Variants in ABCA10 observed in about 807,000 individuals in gnomAD.
The protein encoded by ABCA10 is ATP-binding cassette sub-family A member 10.
Under a neutral mutation model 187.5 loss-of-function variants are expected in ABCA10, and 169 were observed. The observed-to-expected ratio is 0.90, with a 90% CI of 0.80 to 1.02. ABCA10 has a LOEUF of 1.02. ABCA10 is among the 50% of genes least tolerant of loss of function. The probability of loss-of-function intolerance (pLI) is 0.00; values close to 1 mark genes in which losing one functional copy is unlikely to be tolerated. For synonymous variants in ABCA10, 574 were observed against 601.8 expected (o/e 0.95, Z 0.68); for missense variants, 1,727 against 1,812.4 (o/e 0.95, Z 0.86).
rs771391379 is a variant in ABCA10, at chr17:69,187,863, T to C, written c.2148A>G (p.Lys716=). 1 of 1,613,610 alleles carries C rather than the reference T, an allele frequency of 6.2e-7. No individual in the cohort carries two copies. Among genetic ancestry groups the C allele is most frequent in the Non-Finnish European group, 8.5e-7 (1 of 1,179,616 alleles). ...AIDEPDFDIG[K]QEKIHVTRNT... is the part of the protein sequence containing the mutation. ...TTCTTGTCACATGTATTTTCTCTTGTTTCCCAATGTCAAAATCTACAATCA... is the reference window on the plus strand; with the variant it reads ...TTCTTGTCACATGTATTTTCTCTTGCTTCCCAATGTCAAAATCTACAATCA... The change falls in exon 19 of 39, where the codon AAA becomes AAG. Residue 716 remains lysine (K), a synonymous_variant. Coordinates refer to ENST00000690296, the MANE Select transcript of ABCA10 (RefSeq NM_001377321.1).
chr17:69,163,004 AT>A (rs2074229939), intron 27 of ABCA10, among the ~76,000 whole-genome samples: 1 of 151,730 alleles, frequency 6.6e-6, no homozygotes, highest in African/African-American at 2.4e-5. Flanking sequence ...CGCCCAGCTA[AT>A]TTTTGTATTT....
At chr17:69,151,156 C>T (rs1215754492) in intron 36 of ABCA10, among the ~76,000 whole-genome samples, 2 of 152,160 alleles carry the variant, frequency 1.3e-5, no homozygotes, top group African/African-American at 2.4e-5. Context: ...TATCTCTTTA[C>T]ACATCAACTA....
At chr17:69,209,841 T>C (rs2074624663) in intron 9 of ABCA10, among the ~76,000 whole-genome samples, 3 of 152,188 alleles carry the variant, frequency 2.0e-5, no homozygotes. Flanking sequence ...CTGTACTCTA[T>C]ACTGTAGGAA....
upstream of ABCA10, chr17:69,233,267 T>TA (rs2074843476): frequency 6.6e-6 from 1 of 152,170 alleles, no homozygotes; most frequent in Non-Finnish European, 1.5e-5. Context: ...TTCTTTTTTT[T>TA]ACCTCCTCTG....
chr17:69,187,950 G>T (rs2074434693), intron 18 of ABCA10, 71 bp from the exon 19 acceptor site: 8 of 1,395,384 alleles, frequency 5.7e-6, no homozygotes, highest in Non-Finnish European at 7.9e-6. Context: ...CTTTGAAAAT[G>T]ATGTTAGACT....
intron 9 of ABCA10, among the ~76,000 whole-genome samples, chr17:69,210,166 ATTTCTTTTTTTTTTTTTTTTTT>A (rs1420237124): frequency 1.4e-4 from 8 of 56,228 alleles, no homozygotes; most frequent in African/African-American, 5.6e-4. Flanking sequence ...TTTAGTGGTT[ATTTCTTTTTTTTTTTTTTTTTT>A]TTTTTTTTTT....
chr17:69,158,400 G>T (rs1014204621), intron 27 of ABCA10, among the ~76,000 whole-genome samples: 2 of 151,792 alleles, frequency 1.3e-5, no homozygotes, highest in Admixed American at 1.3e-4. Context: ...ACTGATATAA[G>T]ATAATTGTAC....
intron 4 of ABCA10, among the ~76,000 whole-genome samples, chr17:69,222,172 T>C (rs1449982705): frequency 6.6e-6 from 1 of 151,944 alleles, no homozygotes; most frequent in Non-Finnish European, 1.5e-5. Context: ...CTGACCAACA[T>C]GGTGAAACCC....
rs1159610408 is a variant in ABCA10 at position 69,185,474 on chromosome 17, C to A, written c.2497+3G>T. On this transcript the variant is annotated splice_donor_region_variant and intron_variant, in intron 20 of 38. Coordinates refer to ENST00000690296, the MANE Select transcript of ABCA10 (RefSeq NM_001377321.1). ...CACACTAAATTTCAGCCCCATTTCT[C>A]ACCTGTATTATTAACGATTAACAGG... 6.2e-7 allele frequency: 1 copy of A among 1,608,006 alleles called. No homozygotes were observed. Among genetic ancestry groups the A allele is most frequent in the Non-Finnish European group, 8.5e-7 (1 of 1,176,776 alleles).
At position 69,171,833 on chromosome 17, in the gene ABCA10, T is replaced by A. The variant is rs185225681; in HGVS notation, c.3162+2448A>T. ...TAGAAATGCATAAGCAGCTAAATTATGTTTTAAGAATGAGGGTGAAAAAAG... is the reference window on the plus strand; with the variant it reads ...TAGAAATGCATAAGCAGCTAAATTAAGTTTTAAGAATGAGGGTGAAAAAAG... On this transcript the variant is annotated intron_variant, in intron 25 of 38. Transcript: ENST00000690296. Among the ~76,000 whole-genome samples the A allele has an allele frequency of 4.3e-3, 656 of 151,670 alleles. 5 individuals are homozygous for A. The highest frequency in any genetic ancestry group is 0.015 in the African/African-American group (629 of 41,336).
In ABCA10 at chr17:69,148,454, A is replaced by T. The variant is rs981951188; in HGVS notation, c.*373T>A. ...AGAATCCGAGTAAATAATGTTTAAA[A>T]ATAGCTGATACATTTGAAGTTCAGG... On this transcript the variant is annotated 3_prime_UTR_variant, in exon 39 of 39. Coordinates refer to ENST00000690296, the MANE Select transcript of ABCA10 (RefSeq NM_001377321.1). 2 of 165,874 alleles carry T rather than the reference A, an allele frequency of 1.2e-5. No individual in the cohort carries two copies. The highest frequency in any genetic ancestry group is 4.8e-5 in the African/African-American group (2 of 41,638). The allele number at this position is 165,874 out of a possible 1,614,324, so 10.3% of individuals were successfully genotyped here. A position where few individuals can be genotyped will look rare whatever the true frequency, so the allele number is the denominator to read the frequency against.
Position 69,182,146 on chromosome 17 carries a change from T to C in ABCA10, c.2769+7A>G. 6.4e-7 allele frequency: 1 copy of C among 1,571,810 alleles called. No individual in the cohort carries two copies. ...TGCCTCTTATATAAGTCGAATACTC[T>C]ACTTACACGAGAAAATGAAGTGCTC... On this transcript the variant is annotated splice_region_variant and intron_variant, in intron 22 of 38. Coordinates refer to ENST00000690296, the MANE Select transcript of ABCA10 (RefSeq NM_001377321.1).
At position 69,193,550 on chromosome 17, in the gene ABCA10, T is replaced by C. The variant is rs759612027; in HGVS notation, c.1584A>G (p.Leu528=). 1.2e-6 allele frequency: 2 copies of C among 1,613,488 alleles called. No individual in the cohort carries two copies. Among genetic ancestry groups the C allele is most frequent in the Non-Finnish European group, 1.7e-6 (2 of 1,179,594 alleles). Residue 528 remains leucine (L), a synonymous_variant, in exon 14 of 39, where the codon TTA becomes TTG. Coordinates refer to ENST00000690296, the MANE Select transcript of ABCA10 (RefSeq NM_001377321.1). ...TTAGTTTTCTCTTCTGCCCACCACT[T>C]AATTTTTTAGCAATAATGTCTTGAA... ...QSIQDIIAKK[L]SGGQKRKLTL...
chr17:69,153,990 C>G lies in ABCA10; in HGVS notation c.3806G>C (p.Arg1269Thr). Residue 1269 changes from arginine to threonine, a missense_variant, in exon 32 of 39, where the codon AGA becomes ACA. Physicochemically the swap from Arg to Thr is moderately conservative, Grantham distance 71. Transcript: ENST00000690296. ...TAGVVVLQGS[R>T]ASVRQQHDNS... ...GTCATGCTGTTGCCTTACTGATGCTCTGCTGCCTTGTAACACCACCTGCAC... is the reference window on the plus strand; with the variant it reads ...GTCATGCTGTTGCCTTACTGATGCTGTGCTGCCTTGTAACACCACCTGCAC... 7 of 1,613,784 alleles carry G rather than the reference C, an allele frequency of 4.3e-6. No individual in the cohort carries two copies. The highest frequency in any genetic ancestry group is 5.9e-6 in the Non-Finnish European group (7 of 1,179,832).
At position 69,178,467 on chromosome 17, in the gene ABCA10, C is replaced by T. The variant is rs145566844; in HGVS notation, c.2770-2954G>A. On this transcript the variant is annotated intron_variant, in intron 22 of 38. Transcript: ENST00000690296. ...GTTCTCAGACCTCACATCTGATCTA[C>T]TAAATCAGAATCTCTGGGGATGGTG... 3.8e-3 allele frequency among the ~76,000 whole-genome samples: 583 copies of T among 152,242 alleles called. 5 individuals carry two copies. The highest frequency in any genetic ancestry group is 0.014 in the African/African-American group (562 of 41,542).
In ABCA10 at chr17:69,155,934, GAAATA is replaced by G. The variant is rs749210033; in HGVS notation, c.3456-14_3456-10del. 8 of 1,605,914 alleles carry G rather than the reference GAAATA, an allele frequency of 5.0e-6. No homozygotes were observed. Among genetic ancestry groups the G allele is most frequent in the Non-Finnish European group, 3.4e-6 (4 of 1,176,946 alleles). ...TACTCCGTGGAGAGATTCTACAGAG[GAAATA>G]AAATAACATAAAAATGCAATTTTGG... On this transcript the variant is annotated splice_polypyrimidine_tract_variant and intron_variant, in intron 28 of 38. Transcript: ENST00000690296.
chr17:69,201,306 T>C (rs2074541859), intron 10 of ABCA10, among the ~76,000 whole-genome samples, 194 bp downstream of exon 10: 1 of 152,144 alleles, frequency 6.6e-6, no homozygotes, highest in Non-Finnish European at 1.5e-5. Context: ...AAGAAAATGA[T>C]AGGTCTCTTA....
rs748032049 is a variant in ABCA10 at position 69,225,312 on chromosome 17, T to C, written c.34+13A>G. 7.4e-6 allele frequency: 12 copies of C among 1,612,704 alleles called. No homozygotes were observed. The highest frequency in any genetic ancestry group is 6.7e-5 in the Admixed American group (4 of 59,936). On this transcript the variant is annotated intron_variant, in intron 3 of 38. Transcript: ENST00000690296. Reference sequence around the variant, plus strand: ...TCACATAATACTGAAACATTGGTTATTGGACAACACACCTTTCATAAAGGA... The same window carrying C: ...TCACATAATACTGAAACATTGGTTACTGGACAACACACCTTTCATAAAGGA...
At position 69,193,198 on chromosome 17, in the gene ABCA10, G is replaced by C; in HGVS notation, c.1692C>G (p.His564Gln). Residue 564 changes from histidine (H) to glutamine (Q), a missense_variant, in exon 15 of 39, where the codon CAC (histidine) becomes CAG (glutamine). His to Gln is a conservative substitution (Grantham distance 24). Coordinates refer to ENST00000690296, the MANE Select transcript of ABCA10 (RefSeq NM_001377321.1). Reference protein sequence around the residue: ...PTAGLDPFSRHRVWSLLKEHK... With the variant: ...PTAGLDPFSRQRVWSLLKEHK... Reference sequence around the variant, plus strand: ...GCTCCTTCAGGAGGCTCCACACTCGGTGTCTTGAAAAGGGATCCAATCCAG... The same window carrying C: ...GCTCCTTCAGGAGGCTCCACACTCGCTGTCTTGAAAAGGGATCCAATCCAG... The C allele has an allele frequency of 6.2e-7, 1 of 1,614,096 alleles. No homozygotes were observed. Among genetic ancestry groups the C allele is most frequent in the Non-Finnish European group, 8.5e-7 (1 of 1,180,006 alleles).
Sources: gnomAD v4.1 joint callset for allele counts (sites outside exome capture counted in the v4.1 genomes callset) on GRCh38, gnomAD v4.1.1 for gene constraint, MANE v1.5 for transcripts, NCBI Gene and HGNC (gene_info 2026-07-23, HGNC 2026-07-21) for gene names.